Variants in ATP8B2 observed in about 807,000 individuals in gnomAD.
ATP8B2 encodes the protein phospholipid-transporting ATPase ID.
In ATP8B2, 70 loss-of-function variants were observed where a neutral mutation model predicts 133.4. The ratio of observed to expected loss-of-function variants is 0.52; its 90% confidence interval spans 0.43 to 0.64. The LOEUF (loss-of-function observed/expected upper bound fraction) is 0.64. ATP8B2 is among the 30% of genes least tolerant of loss of function. The pLI, the probability that ATP8B2 is intolerant of heterozygous loss-of-function variation, is 0.00. For missense variants in ATP8B2, 1,101 were observed against 1,535.7 expected, an observed-to-expected ratio of 0.72 and a Z score of 4.73; for synonymous variants, 517 against 589.5, an observed-to-expected ratio of 0.88 and a Z score of 1.78.
Position 154,345,405 on chromosome 1 carries a change from T to C in ATP8B2, c.2554T>C (p.Phe852Leu). Reference protein sequence around the residue: ...ASDYSFSQFKFLQRLLLVHGR... With the variant: ...ASDYSFSQFKLLQRLLLVHGR... Reference sequence around the variant, plus strand: ...CGATTACTCCTTCTCCCAGTTCAAGTTCCTGCAGCGCCTCCTGCTGGTGCA... The same window carrying C: ...CGATTACTCCTTCTCCCAGTTCAAGCTCCTGCAGCGCCTCCTGCTGGTGCA... The change falls in exon 23 of 28, where the codon TTC becomes CTC. Residue 852 changes from phenylalanine (F) to leucine (L), a missense_variant. Coordinates refer to ENST00000368489, the MANE Select transcript of ATP8B2 (RefSeq NM_001370597.1). The surrounding 1 kb of genome is among the most constrained non-coding windows in gnomAD (Gnocchi z 5.6). The C allele has an allele frequency of 6.2e-6, 10 of 1,614,220 alleles. No homozygotes were observed. The highest frequency in any genetic ancestry group is 7.6e-6 in the Non-Finnish European group (9 of 1,180,042).
chr1:154,346,521 G>A lies in ATP8B2; in HGVS notation c.3024+45G>A. The A allele has an allele frequency of 6.2e-7, 1 of 1,605,036 alleles. No individual in the cohort carries two copies. The highest frequency in any genetic ancestry group is 8.5e-7 in the Non-Finnish European group (1 of 1,174,328). ...CTCCCCTCTTCTCTGGAAGGAGTGA[G>A]CCTTCTGTCCCTGGGGCTGCCCTGG... On this transcript the variant is annotated intron_variant, in intron 25 of 27. Coordinates refer to ENST00000368489, the MANE Select transcript of ATP8B2 (RefSeq NM_001370597.1). This position sits in a 1 kb window ranked among gnomAD's most constrained non-coding sequence, Gnocchi z 4.5.
At chr1:154,348,136 C>G (rs1316847887) in intron 26 of ATP8B2, among the ~76,000 whole-genome samples, 2 of 152,050 alleles carry the variant, frequency 1.3e-5, no homozygotes, top group African/African-American at 4.8e-5. Flanking sequence ...AGACCAGGAT[C>G]AGATTTGGGG....
At chr1:154,330,587 C>A in intron 3 of ATP8B2, 133 bp downstream of exon 3, 2 of 928,306 alleles carry the variant, frequency 2.2e-6, no homozygotes, top group South Asian at 1.6e-5. Context: ...CTCAGCCACT[C>A]TCCATCTGCT....
chr1:154,332,705 A>C lies in ATP8B2; in HGVS notation c.589+8A>C. ...AGCTTGCCAAGTTTGACGGTGAGTA[A>C]TTTTGGAGGAGCAGCCTGAAGGTAG... On this transcript the variant is annotated splice_region_variant and intron_variant, in intron 9 of 27. Transcript: ENST00000368489. The C allele has an allele frequency of 6.4e-7, 1 of 1,562,780 alleles. No homozygotes were observed. The highest frequency in any genetic ancestry group is 8.7e-7 in the Non-Finnish European group (1 of 1,150,626).
Position 154,334,094 on chromosome 1 carries a change from G to A in ATP8B2, c.590-13G>A. The A allele has an allele frequency of 6.2e-7, 1 of 1,613,438 alleles. No individual in the cohort carries two copies. Among genetic ancestry groups the A allele is most frequent in the Non-Finnish European group, 8.5e-7 (1 of 1,179,488 alleles). ...CTGGACCTTAAGCAGTGGAATTCTT[G>A]TCTCCTGTTCAGGTGAAGTGATCTG... On this transcript the variant is annotated splice_polypyrimidine_tract_variant and intron_variant, in intron 9 of 27. Transcript: ENST00000368489. This position sits in a 1 kb window ranked among gnomAD's most constrained non-coding sequence, Gnocchi z 4.6.
rs1407006061 is a variant in ATP8B2 at position 154,325,665 on chromosome 1, G to C, written c.-75G>C. 6.6e-6 allele frequency: 1 copy of C among 152,008 alleles called. No homozygotes were observed. The highest frequency in any genetic ancestry group is 1.5e-5 in the Non-Finnish European group (1 of 68,054). The allele number at this position is 152,008 out of a possible 1,614,324, so 9.4% of individuals were successfully genotyped here. On this transcript the variant is annotated 5_prime_UTR_variant, in exon 1 of 28. Transcript: ENST00000368489. ...CCCCAGCCCCCGGCATGGGCAGTAC[G>C]GGGCCGCCGGGGCGGGCGCCGAGCG... is the stretch of plus-strand genomic sequence containing the variant.
rs991420897 is a variant in ATP8B2 at position 154,349,277 on chromosome 1, G to T, written c.*159G>T. On this transcript the variant is annotated 3_prime_UTR_variant, in exon 28 of 28. Coordinates refer to ENST00000368489, the MANE Select transcript of ATP8B2 (RefSeq NM_001370597.1). ...CCCACCACACATGGCTGGGACATCT[G>T]TTCCCAGCTGTAGGCCCTTCCACCA... The T allele has an allele frequency of 9.9e-6, 10 of 1,008,112 alleles. No homozygotes were observed. The highest frequency in any genetic ancestry group is 3.3e-5 in the African/African-American group (2 of 61,456). The allele number at this position is 1,008,112 out of a possible 1,614,324, so 62.4% of individuals were successfully genotyped here.
intron 12 of ATP8B2, 107 bp downstream of exon 12, chr1:154,337,651 TC>T: frequency 3.1e-6 from 5 of 1,612,804 alleles, no homozygotes; most frequent in Non-Finnish European, 4.2e-6. Flanking sequence ...GAAGTCCTCT[TC>T]TTCCTGTACT....
Position 154,345,736 on chromosome 1 carries a change from C to A in ATP8B2, c.2695-64C>A. ...GTTCTCTGTATGTGACATCAGCTGT[C>A]TTCCTGTGCCTGATGTGTAGCAAAG... is the stretch of plus-strand genomic sequence containing the variant. On this transcript the variant is annotated intron_variant, in intron 23 of 27. Coordinates refer to ENST00000368489, the MANE Select transcript of ATP8B2 (RefSeq NM_001370597.1). The surrounding 1 kb of genome is among the most constrained non-coding windows in gnomAD (Gnocchi z 5.6). 6.9e-7 allele frequency: 1 copy of A among 1,459,678 alleles called. No homozygotes were observed. Among genetic ancestry groups the A allele is most frequent in the Non-Finnish European group, 9.6e-7 (1 of 1,040,562 alleles). 90.4% of individuals were successfully genotyped at this position (1,459,678 alleles called of 1,614,324 possible).
At chr1:154,335,129 C>T (rs905211060) in intron 11 of ATP8B2, among the ~76,000 whole-genome samples, 45 of 152,180 alleles carry the variant, frequency 3.0e-4, no homozygotes, top group African/African-American at 1.0e-3. Context: ...CCGCCACATG[C>T]CAGCTTGTGA....
Position 154,330,546 on chromosome 1 carries a change from G to A in ATP8B2, c.90+92G>A, listed in dbSNP as rs549106510. 3.6e-5 allele frequency: 50 copies of A among 1,400,862 alleles called. No homozygotes were observed. The African/African-American group carries it at 5.3e-4, about 15-fold the overall frequency. 86.8% of individuals were successfully genotyped at this position (1,400,862 alleles called of 1,614,324 possible). ...ACCGTTGGGACTGAGGGCTGCCTGG[G>A]AAGAGTGCTTGGGGGAGGGGAAGCA... On this transcript the variant is annotated intron_variant, in intron 3 of 27. Transcript: ENST00000368489.
intron 26 of ATP8B2, among the ~76,000 whole-genome samples, 166 bp from the exon 27 acceptor site, chr1:154,348,242 A>G (rs1263348190): frequency 6.6e-6 from 1 of 151,852 alleles, no homozygotes; most frequent in Non-Finnish European, 1.5e-5. Flanking sequence ...GCTTTGGGGG[A>G]GTTTGGAGCT....
At chr1:154,348,810 C>G (rs374735554) in intron 27 of ATP8B2, 30 bp from the exon 28 acceptor site, 26 of 1,553,028 alleles carry the variant, frequency 1.7e-5, no homozygotes, top group Non-Finnish European at 2.3e-5. Flanking sequence ...TCCACGCTGA[C>G]AGAGGGCTCT....
rs1441027070 is a variant in ATP8B2 at position 154,345,826 on chromosome 1, C to T, written c.2721C>T (p.Thr907=). 2.5e-6 allele frequency: 4 copies of T among 1,613,642 alleles called. No homozygotes were observed. Among genetic ancestry groups the T allele is most frequent in the African/African-American group, 1.3e-5 (1 of 74,916 alleles). The change falls in exon 24 of 28, where the codon ACC becomes ACT. Residue 907 remains threonine (T), a synonymous_variant. Coordinates refer to ENST00000368489, the MANE Select transcript of ATP8B2 (RefSeq NM_001370597.1). This position sits in a 1 kb window ranked among gnomAD's most constrained non-coding sequence, Gnocchi z 5.6. The part of the protein sequence containing the change: ...AQTVYDQYFI[T]LYNIVYTSLP... ...CCGTCTATGACCAGTATTTCATCAC[C>T]CTGTATAACATCGTGTACACCTCCC...
At chr1:154,326,467 C>T (rs1472368276) in intron 1 of ATP8B2, among the ~76,000 whole-genome samples, 1 of 151,974 alleles carries the variant, frequency 6.6e-6, no homozygotes. Context: ...GGCTGGGTGA[C>T]GGGGCAGGGC....
chr1:154,327,966 AAG>A, intron 1 of ATP8B2, 137 bp from the exon 2 acceptor site: 1 of 1,518,680 alleles, frequency 6.6e-7, no homozygotes, highest in South Asian at 1.1e-5. Context: ...TCATGGCAGT[AAG>A]AGGAGAGACT....
In ATP8B2 at chr1:154,344,629, C is replaced by T; in HGVS notation, c.2142-12C>T. On this transcript the variant is annotated splice_polypyrimidine_tract_variant and intron_variant, in intron 20 of 27. Coordinates refer to ENST00000368489, the MANE Select transcript of ATP8B2 (RefSeq NM_001370597.1). The surrounding 1 kb of genome is among the most constrained non-coding windows in gnomAD (Gnocchi z 4.1). The stretch of plus-strand genomic sequence containing the variant: ...CTGGAAGACCACAACCGTATCATTT[C>T]CACCTCGACAGGAAAGCCCGGGAGA... 1 of 1,606,498 alleles carries T rather than the reference C, an allele frequency of 6.2e-7. No homozygotes were observed. The highest frequency in any genetic ancestry group is 8.5e-7 in the Non-Finnish European group (1 of 1,173,590).
Position 154,346,146 on chromosome 1 carries a change from G to T in ATP8B2, c.2779-85G>T. ...AAGACTTTGGAAAGGAGGAGGCAGG[G>T]ACAGAGTCAGAGTCTGCCCTTGGTC... On this transcript the variant is annotated intron_variant, in intron 24 of 27. Coordinates refer to ENST00000368489, the MANE Select transcript of ATP8B2 (RefSeq NM_001370597.1). The surrounding 1 kb of genome is among the most constrained non-coding windows in gnomAD (Gnocchi z 4.5). The T allele has an allele frequency of 6.5e-7, 1 of 1,543,376 alleles. No individual in the cohort carries two copies. Among genetic ancestry groups the T allele is most frequent in the Admixed American group, 1.8e-5 (1 of 55,464 alleles).
chr1:154,349,264 G>GGCT lies in ATP8B2; in HGVS notation c.*148_*150dup. Reference sequence around the variant, plus strand: ...CTGTCCTGCTGGTCCCACCACACATGGCTGGGACATCTGTTCCCAGCTGTA... The same window carrying GGCT: ...CTGTCCTGCTGGTCCCACCACACATGGCTGCTGGGACATCTGTTCCCAGCTGTA... On this transcript the variant is annotated 3_prime_UTR_variant, in exon 28 of 28. Transcript: ENST00000368489. 1 of 1,079,124 alleles carries GGCT rather than the reference G, an allele frequency of 9.3e-7. No individual in the cohort carries two copies. Among genetic ancestry groups the GGCT allele is most frequent in the Middle Eastern group, 3.1e-4 (1 of 3,204 alleles). The allele number at this position is 1,079,124 out of a possible 1,614,324, so 66.8% of individuals were successfully genotyped here.
Sources: gnomAD v4.1 joint callset for allele counts (sites outside exome capture counted in the v4.1 genomes callset) on GRCh38, gnomAD v4.1.1 for gene constraint, Gnocchi (gnomAD v3.1) non-coding constraint, MANE v1.5 for transcripts, NCBI Gene and HGNC (gene_info 2026-07-23, HGNC 2026-07-21) for gene names.